KLHL2: variants seen among roughly 807,000 people sequenced by gnomAD.
KLHL2 encodes kelch-like protein 2.
Under a neutral mutation model 75.8 loss-of-function variants are expected in KLHL2, and 15 were observed. The observed-to-expected ratio is 0.20, with a 90% CI of 0.13 to 0.30. The LOEUF (loss-of-function observed/expected upper bound fraction) is 0.30. Among genes scored for constraint, KLHL2 ranks in the 10% least tolerant of loss-of-function variants. The pLI is 1.00. For synonymous variants in KLHL2, 214 were observed against 251.9 expected, an observed-to-expected ratio of 0.85 and a Z score of 1.42; for missense variants, 381 against 741.0, an observed-to-expected ratio of 0.51 and a Z score of 5.64.
intron 8 of KLHL2, among the ~76,000 whole-genome samples, chr4:165,301,042 G>A (rs1385016449): frequency 2.6e-5 from 4 of 151,938 alleles, no homozygotes; most frequent in Admixed American, 6.6e-5. Context: ...TTTCTAGATC[G>A]TTAGCAAATA....
chr4:165,245,631 A>T (rs1263901912), intron 4 of KLHL2, among the ~76,000 whole-genome samples: 1 of 152,162 alleles, frequency 6.6e-6, no homozygotes, highest in African/African-American at 2.4e-5. Flanking sequence ...CATCACATTT[A>T]GGGCAGCAAG....
chr4:165,215,534 G>C (rs1466030930), intron 1 of KLHL2, among the ~76,000 whole-genome samples: 1 of 152,154 alleles, frequency 6.6e-6, no homozygotes, highest in Non-Finnish European at 1.5e-5. Context: ...CGTGAACTTG[G>C]CAGAAATTTG....
At chr4:165,318,070 C>G (rs1391863358) in intron 14 of KLHL2, 101 bp downstream of exon 14, 2 of 1,063,854 alleles carry the variant, frequency 1.9e-6, no homozygotes, top group Non-Finnish European at 2.8e-6. Context: ...AGTCTTTTCT[C>G]AAGGTATAGT....
intron 9 of KLHL2, among the ~76,000 whole-genome samples, chr4:165,307,927 C>G (rs1745859472): frequency 6.6e-6 from 1 of 152,126 alleles, no homozygotes; most frequent in Non-Finnish European, 1.5e-5. Flanking sequence ...CCAAATACCC[C>G]TTATTGACTT....
intron 7 of KLHL2, among the ~76,000 whole-genome samples, chr4:165,299,065 T>C (rs1260761986): frequency 6.6e-6 from 1 of 152,018 alleles, no homozygotes; most frequent in African/African-American, 2.4e-5. Context: ...TCTAATCTCT[T>C]TTTGGGATAT....
intron 5 of KLHL2, among the ~76,000 whole-genome samples, chr4:165,266,081 G>A (rs1192571505): frequency 2.0e-5 from 3 of 152,166 alleles, no homozygotes; most frequent in Non-Finnish European, 4.4e-5. Context: ...GTGATCATGA[G>A]CATTTTTTAT....
chr4:165,210,165 C>T (rs894509311), intron 1 of KLHL2: 3 of 1,551,518 alleles, frequency 1.9e-6, no homozygotes, highest in Admixed American at 3.9e-5. Flanking sequence ...GAAGCACGGC[C>T]CCAGATTCTC....
intron 5 of KLHL2, 48 bp from the exon 6 acceptor site, chr4:165,294,311 A>G: frequency 2.8e-6 from 3 of 1,074,810 alleles, no homozygotes; most frequent in Non-Finnish European, 4.3e-6. Context: ...TGAAACTATG[A>G]TAATGGAATG....
At chr4:165,216,747 A>G (rs1441693643) in intron 1 of KLHL2, among the ~76,000 whole-genome samples, 1 of 152,170 alleles carries the variant, frequency 6.6e-6, no homozygotes, top group Non-Finnish European at 1.5e-5. Flanking sequence ...ATGGAAATTT[A>G]TGGAAAGGGC....
intron 2 of KLHL2, among the ~76,000 whole-genome samples, chr4:165,227,551 T>G (rs1738536883): frequency 6.6e-6 from 1 of 152,166 alleles, no homozygotes; most frequent in Non-Finnish European, 1.5e-5. Flanking sequence ...GTGCCAAGTG[T>G]GACCTGCATG....
intron 5 of KLHL2, among the ~76,000 whole-genome samples, chr4:165,273,696 C>A (rs1251945043): frequency 1.3e-5 from 2 of 152,188 alleles, no homozygotes; most frequent in Non-Finnish European, 2.9e-5. Flanking sequence ...GTAAGGCCTC[C>A]CCAGCCATGT....
chr4:165,247,438 T>G (rs924440797), intron 4 of KLHL2, among the ~76,000 whole-genome samples: 1 of 152,124 alleles, frequency 6.6e-6, no homozygotes, highest in African/African-American at 2.4e-5. Context: ...TTTGTTTTGT[T>G]TTTTGATGGG....
Position 165,297,712 on chromosome 4 carries a change from A to T in KLHL2, c.758A>T (p.Glu253Val). ...EHVRLPLLPREYLVQRVEEEA... is the reference protein window; with the variant it reads ...EHVRLPLLPRVYLVQRVEEEA... ...GTACGGTTACCTTTGCTTCCTCGGG[A>T]ATATTTAGTTCAGGTAAATGCATAT... Residue 253 changes from glutamate to valine, a missense_variant, in exon 7 of 15, where the codon GAA (glutamate) becomes GTA (valine). Physicochemically the swap from Glu to Val is moderately radical, Grantham distance 121 (BLOSUM62 -2). This residue lies in a region of KLHL2 where 111 missense variants were observed against 150.1 expected (regional missense o/e 0.74). Coordinates refer to ENST00000226725, the MANE Select transcript of KLHL2 (RefSeq NM_007246.4). The T allele has an allele frequency of 6.2e-7, 1 of 1,607,696 alleles. No homozygotes were observed. Among genetic ancestry groups the T allele is most frequent in the East Asian group, 2.2e-5 (1 of 44,838 alleles).
At chr4:165,240,472 A>G (rs1226792735) in intron 4 of KLHL2, 3 of 151,878 alleles carry the variant, frequency 2.0e-5, no homozygotes, top group East Asian at 1.9e-4. Context: ...GAGGTAAGGC[A>G]TTTGAAAAAC....
chr4:165,244,318 G>A (rs1345331300), intron 4 of KLHL2, among the ~76,000 whole-genome samples: 2 of 152,188 alleles, frequency 1.3e-5, no homozygotes, highest in African/African-American at 4.8e-5. Context: ...ATAAACAGAT[G>A]TGGGAGCAAA....
At chr4:165,283,818 A>G (rs1228125304) in intron 5 of KLHL2, among the ~76,000 whole-genome samples, 1 of 152,214 alleles carries the variant, frequency 6.6e-6, no homozygotes, top group Non-Finnish European at 1.5e-5. Context: ...CCCTGCAGCA[A>G]ACTTCTGCCT....
intron 1 of KLHL2, among the ~76,000 whole-genome samples, chr4:165,215,265 T>C (rs1737463403): frequency 6.6e-6 from 1 of 152,108 alleles, no homozygotes; most frequent in South Asian, 2.1e-4. Flanking sequence ...TAGTGGTTAT[T>C]TGTTTGAAGG....
intron 4 of KLHL2, 92 bp downstream of exon 4, chr4:165,238,991 A>G (rs1184075596): frequency 9.4e-6 from 14 of 1,488,106 alleles, no homozygotes; most frequent in Non-Finnish European, 1.2e-5. Flanking sequence ...ATTTGCACCA[A>G]AATAATAGGA....
chr4:165,274,771 AC>A (rs1241007058), intron 5 of KLHL2, among the ~76,000 whole-genome samples: 4 of 152,340 alleles, frequency 2.6e-5, no homozygotes, highest in African/African-American at 9.6e-5. Flanking sequence ...GAAAAAATTA[AC>A]AGTGTTCCAT....
Sources: gnomAD v4.1 joint callset for allele counts (sites outside exome capture counted in the v4.1 genomes callset) on GRCh38, gnomAD v4.1.1 for gene constraint, gnomAD v4.1.1 regional missense constraint, MANE v1.5 for transcripts, NCBI Gene and HGNC (gene_info 2026-07-23, HGNC 2026-07-21) for gene names.